STARD3NL: variants seen among roughly 807,000 people sequenced by gnomAD.
STARD3NL encodes the protein STARD3 N-terminal like, also known as STARD3 N-terminal-like protein.
In STARD3NL, 17 loss-of-function variants were observed where a neutral mutation model predicts 30.9. The observed-to-expected ratio is 0.55, with a 90% confidence interval of 0.38 to 0.82. The LOEUF (loss-of-function observed/expected upper bound fraction) is 0.82, where lower values mean the gene tolerates loss of function less well. Among genes scored for constraint, STARD3NL ranks in the 40% least tolerant of loss-of-function variants. The probability of loss-of-function intolerance (pLI) is 0.00; values close to 1 mark genes in which losing one functional copy is unlikely to be tolerated. For missense variants in STARD3NL, 234 were observed against 277.6 expected, an observed-to-expected ratio of 0.84 and a Z score of 1.12; for synonymous variants, 112 against 100.5, an observed-to-expected ratio of 1.11 and a Z score of -0.69.
chr7:38,212,387 A>G (rs1166964298), intron 2 of STARD3NL, among the ~76,000 whole-genome samples: 1 of 152,170 alleles, frequency 6.6e-6, no homozygotes, highest in African/African-American at 2.4e-5. Flanking sequence ...TTTTTATAGA[A>G]TTCAACTTCT....
Position 38,207,502 on chromosome 7 carries a change from A to G in STARD3NL, c.-3A>G, listed in dbSNP as rs773136171. Reference sequence around the variant, plus strand: ...AAAAAGGCTCCTGTAACCCTCCTCCAGGATGAACCACCTGCCAGAAGACAT... The same window carrying G: ...AAAAAGGCTCCTGTAACCCTCCTCCGGGATGAACCACCTGCCAGAAGACAT... On this transcript the variant is annotated 5_prime_UTR_variant, in exon 2 of 9. Transcript: ENST00000009041. 3.7e-6 allele frequency: 6 copies of G among 1,613,818 alleles called. No homozygotes were observed. Among genetic ancestry groups the G allele is most frequent in the Non-Finnish European group, 5.1e-6 (6 of 1,179,858 alleles).
chr7:38,224,271 A>G (rs1440390271), intron 7 of STARD3NL, among the ~76,000 whole-genome samples: 1 of 152,226 alleles, frequency 6.6e-6, no homozygotes, highest in African/African-American at 2.4e-5. Context: ...ACATTCATGT[A>G]CATGCCTCTG....
At chr7:38,224,889 A>G (rs1389757823) in intron 7 of STARD3NL, among the ~76,000 whole-genome samples, 1 of 152,212 alleles carries the variant, frequency 6.6e-6, no homozygotes, top group East Asian at 1.9e-4. Context: ...ACTTTTTCAT[A>G]GGTATGTATG....
intron 1 of STARD3NL, among the ~76,000 whole-genome samples, chr7:38,182,484 C>G (rs968623309): frequency 6.6e-6 from 1 of 152,184 alleles, no homozygotes; most frequent in Non-Finnish European, 1.5e-5. Flanking sequence ...ACTTGCAGTG[C>G]TAGGCTAAGA....
At chr7:38,195,785 A>C (rs79962008) in intron 1 of STARD3NL, among the ~76,000 whole-genome samples, 1,904 of 152,328 alleles carry the variant, frequency 0.012, 44 homozygotes, top group African/African-American at 0.043. Context: ...ATAGCTATCC[A>C]TCATTTAGAC....
intron 1 of STARD3NL, among the ~76,000 whole-genome samples, chr7:38,200,426 T>C (rs1562606093): frequency 6.7e-6 from 1 of 149,622 alleles, no homozygotes; most frequent in Non-Finnish European, 1.5e-5. Context: ...ATATATTTTT[T>C]AAGGAACTCA....
chr7:38,214,891 T>C, intron 3 of STARD3NL, 137 bp from the exon 4 acceptor site: 3 of 686,912 alleles, frequency 4.4e-6, no homozygotes, highest in Non-Finnish European at 7.4e-6. Flanking sequence ...TCCCAAATGC[T>C]GGTCTACAGA....
At chr7:38,196,757 A>G (rs192756233) in intron 1 of STARD3NL, among the ~76,000 whole-genome samples, 41 of 152,360 alleles carry the variant, frequency 2.7e-4, no homozygotes, top group Admixed American at 1.3e-3. Flanking sequence ...TTCTCTATAT[A>G]GTAGCTTTCT....
chr7:38,211,084 A>T (rs1234048253), intron 2 of STARD3NL, among the ~76,000 whole-genome samples: 1 of 152,234 alleles, frequency 6.6e-6, no homozygotes, highest in Non-Finnish European at 1.5e-5. Flanking sequence ...TTTATTAATA[A>T]CTAAAATAAA....
intron 2 of STARD3NL, among the ~76,000 whole-genome samples, chr7:38,209,806 G>A (rs1314760988): frequency 1.3e-5 from 2 of 152,202 alleles, no homozygotes; most frequent in Non-Finnish European, 2.9e-5. Flanking sequence ...TGGAAATGAA[G>A]TAGGCTGCCC....
At chr7:38,184,730 ATAGTATAT>A (rs1237202861) in intron 1 of STARD3NL, among the ~76,000 whole-genome samples, 233 of 146,706 alleles carry the variant, frequency 1.6e-3, no homozygotes, top group Non-Finnish European at 2.9e-3. Flanking sequence ...TATAACCCAT[ATAGTATAT>A]AACATATACC....
intron 1 of STARD3NL, among the ~76,000 whole-genome samples, chr7:38,179,464 A>T (rs1190902996): frequency 6.6e-6 from 1 of 152,274 alleles, no homozygotes; most frequent in Non-Finnish European, 1.5e-5. Flanking sequence ...CTAAAACTGC[A>T]TGAAAGAAAT....
At chr7:38,183,540 C>T (rs1400401361) in intron 1 of STARD3NL, among the ~76,000 whole-genome samples, 3 of 152,108 alleles carry the variant, frequency 2.0e-5, no homozygotes, top group African/African-American at 7.2e-5. Flanking sequence ...CTTTCTGTTT[C>T]TATATACTTG....
In STARD3NL at chr7:38,208,787, A is replaced by T. The variant is rs576151977; in HGVS notation, c.225+1058A>T. ...TATTATAATACAAAAATATGAAAAGATGCTGAGATTCCTGTTTGAAAATTA... is the reference window on the plus strand; with the variant it reads ...TATTATAATACAAAAATATGAAAAGTTGCTGAGATTCCTGTTTGAAAATTA... On this transcript the variant is annotated intron_variant, in intron 2 of 8. Transcript: ENST00000009041. Among the ~76,000 whole-genome samples, 4 of 152,366 alleles carry T rather than the reference A, an allele frequency of 2.6e-5. No individual in the cohort carries two copies. The South Asian group carries it at 8.3e-4, about 32-fold the overall frequency.
At chr7:38,192,030 G>A (rs999959256) in intron 1 of STARD3NL, among the ~76,000 whole-genome samples, 3 of 152,042 alleles carry the variant, frequency 2.0e-5, no homozygotes, top group African/African-American at 7.2e-5. Flanking sequence ...TATATCTCAC[G>A]ATTTATTTTC....
chr7:38,221,646 C>T (rs952946519), intron 7 of STARD3NL, among the ~76,000 whole-genome samples: 22 of 152,182 alleles, frequency 1.4e-4, no homozygotes, highest in Non-Finnish European at 2.6e-4. Flanking sequence ...ATATTAGCCT[C>T]TTGGTGTTTA....
chr7:38,216,484 A>AGT lies in STARD3NL; in HGVS notation c.382-524_382-523dup, dbSNP rs374049044. 783 of 116,532 alleles carry AGT rather than the reference A, an allele frequency of 6.7e-3. 5 individuals are homozygous for AGT. The highest frequency in any genetic ancestry group is 0.029 in the African/African-American group (631 of 21,658). The allele number at this position is 116,532 out of a possible 1,614,324, so 7.2% of individuals were successfully genotyped here. ...GTGTGTGTGTGTGTGTGTGTGTGTG[A>AGT]GTGTGTGTGTGTGTGTGTCTGCAAC... On this transcript the variant is annotated intron_variant, in intron 4 of 8. Transcript: ENST00000009041.
intron 8 of STARD3NL, 30 bp downstream of exon 8, chr7:38,228,901 A>G (rs751097516): frequency 1.3e-6 from 2 of 1,506,538 alleles, no homozygotes; most frequent in Non-Finnish European, 1.8e-6. Flanking sequence ...CCATAACAAC[A>G]AAGTAGTTAA....
At position 38,219,888 on chromosome 7, in the gene STARD3NL, T is replaced by C. The variant is rs560225708; in HGVS notation, c.649+228T>C. ...AGTGATTAGACACCATGATTTGTGA[T>C]ATGTATCTTAGAAGACACACAGACA... On this transcript the variant is annotated intron_variant, in intron 7 of 8. Transcript: ENST00000009041. Among the ~76,000 whole-genome samples, 188 of 152,190 alleles carry C rather than the reference T, an allele frequency of 1.2e-3. 1 individual carries two copies. The highest frequency in any genetic ancestry group is 2.2e-3 in the Non-Finnish European group (150 of 68,042).
Sources: gnomAD v4.1 joint callset for allele counts (sites outside exome capture counted in the v4.1 genomes callset) on GRCh38, gnomAD v4.1.1 for gene constraint, MANE v1.5 for transcripts, NCBI Gene and HGNC (gene_info 2026-07-23, HGNC 2026-07-21) for gene names.